TCERG1: variants seen among roughly 807,000 people sequenced by gnomAD.
TCERG1 encodes transcription elongation regulator 1.
TCERG1 carries 37 observed loss-of-function variants against 144.7 expected under a neutral mutation model. The ratio of observed to expected loss-of-function variants is 0.26; its 90% confidence interval spans 0.20 to 0.34. TCERG1 has a LOEUF of 0.34. Among genes scored for constraint, TCERG1 ranks in the 10% least tolerant of loss-of-function variants. The probability of loss-of-function intolerance (pLI) is 1.00; values close to 1 mark genes in which losing one functional copy is unlikely to be tolerated. For missense variants in TCERG1, 1,027 were observed against 1,380.7 expected, an observed-to-expected ratio of 0.74 and a Z score of 4.06; for synonymous variants, 492 against 458.2, an observed-to-expected ratio of 1.07 and a Z score of -0.94.
chr5:146,494,806 C>G (rs938297736), intron 16 of TCERG1, among the ~76,000 whole-genome samples: 1 of 151,962 alleles, frequency 6.6e-6, no homozygotes, highest in Non-Finnish European at 1.5e-5. Flanking sequence ...TCTTGTATGT[C>G]GTTTTTCTTT....
rs1768259065 is a variant in TCERG1 at position 146,509,244 on chromosome 5, A to G, written c.3145A>G (p.Arg1049Gly). The change falls in exon 22 of 23, where the codon AGA becomes GGA. Residue 1049 changes from arginine to glycine, a missense_variant and splice_region_variant. Coordinates refer to ENST00000679501, the MANE Select transcript of TCERG1 (RefSeq NM_001382548.1). ...LLKETKFITY[R>G]SKKLIQESDQ... ...GAAAGAGACCAAATTTATAACATAT[A>G]GGTGTGTGCAATGAAATGTTTCATA... The G allele has an allele frequency of 6.3e-7, 1 of 1,592,680 alleles. No homozygotes were observed. The highest frequency in any genetic ancestry group is 1.3e-5 in the African/African-American group (1 of 74,226).
intron 1 of TCERG1, among the ~76,000 whole-genome samples, chr5:146,453,440 T>A (rs1462332520): frequency 2.0e-5 from 3 of 152,384 alleles, no homozygotes; most frequent in Admixed American, 2.0e-4. Context: ...GGTATACCTA[T>A]GGCTTTTTAC....
intron 15 of TCERG1, 97 bp from the exon 16 acceptor site, chr5:146,492,823 C>T: frequency 1.2e-6 from 1 of 803,870 alleles, no homozygotes; most frequent in Admixed American, 2.7e-5. Context: ...ATATATTTTT[C>T]CTGGTATAGT....
Position 146,482,528 on chromosome 5 carries a change from A to T in TCERG1, c.1938-64A>T, listed in dbSNP as rs566699336. 5.4e-6 allele frequency: 8 copies of T among 1,472,200 alleles called. No individual in the cohort carries two copies. The African/African-American group carries it at 8.6e-5, about 16-fold the overall frequency. The allele number at this position is 1,472,200 out of a possible 1,614,324, so 91.2% of individuals were successfully genotyped here. ...TCTTGAAAATTCCTTTGATTTTAAG[A>T]TTTCTAATAAGATCTGAGAATTAAT... On this transcript the variant is annotated intron_variant, in intron 13 of 22. Coordinates refer to ENST00000679501, the MANE Select transcript of TCERG1 (RefSeq NM_001382548.1).
At chr5:146,493,710 T>C (rs908425076) in intron 16 of TCERG1, among the ~76,000 whole-genome samples, 43 of 152,084 alleles carry the variant, frequency 2.8e-4, no homozygotes, top group African/African-American at 9.7e-4. Context: ...CTGTTTTATA[T>C]GAGATAAGCA....
chr5:146,471,422 A>G, intron 8 of TCERG1, 66 bp from the exon 9 acceptor site: 1 of 1,443,142 alleles, frequency 6.9e-7, no homozygotes, highest in Non-Finnish European at 9.5e-7. Context: ...GTTTGCCTTC[A>G]TGTTTTTGTG....
chr5:146,479,447 G>T (rs929854353), intron 10 of TCERG1, among the ~76,000 whole-genome samples: 1 of 152,022 alleles, frequency 6.6e-6, no homozygotes, highest in African/African-American at 2.4e-5. Context: ...AGCAATACTT[G>T]TTTTATAGGT....
chr5:146,492,075 T>A (rs536527233), intron 15 of TCERG1, among the ~76,000 whole-genome samples: 2 of 152,224 alleles, frequency 1.3e-5, no homozygotes, highest in Non-Finnish European at 2.9e-5. Flanking sequence ...GAAGTGGCAG[T>A]GCCCAGAAAC....
intron 9 of TCERG1, among the ~76,000 whole-genome samples, chr5:146,474,980 A>G (rs1764698775): frequency 6.6e-6 from 1 of 151,996 alleles, no homozygotes; most frequent in African/African-American, 2.4e-5. Context: ...ACGCCTGTCT[A>G]CTTCTTTTTT....
intron 9 of TCERG1, among the ~76,000 whole-genome samples, chr5:146,473,778 G>C (rs920047894): frequency 6.6e-6 from 1 of 152,188 alleles, no homozygotes. Context: ...TAAGCCCACT[G>C]TTGAGACTTA....
chr5:146,471,697 C>G lies in TCERG1; in HGVS notation c.1601+121C>G, dbSNP rs1160364732. 3 of 652,626 alleles carry G rather than the reference C, an allele frequency of 4.6e-6. No homozygotes were observed. The African/African-American group carries it at 5.5e-5, about 12-fold the overall frequency. The allele number at this position is 652,626 out of a possible 1,614,324, so 40.4% of individuals were successfully genotyped here. On this transcript the variant is annotated intron_variant, in intron 9 of 22. Transcript: ENST00000679501. ...CACTGCAACCTCCACCTCCCTAGTT[C>G]AAGCGATTCTCCTGCCTCAGCTTCC...
chr5:146,468,230 T>TC, intron 5 of TCERG1, 111 bp from the exon 6 acceptor site: 1 of 884,324 alleles, frequency 1.1e-6, no homozygotes, highest in African/African-American at 1.8e-5. Flanking sequence ...TTGGTCTTTT[T>TC]CATTGGAAAT....
intron 10 of TCERG1, among the ~76,000 whole-genome samples, chr5:146,479,483 G>A (rs900587534): frequency 5.9e-5 from 9 of 152,156 alleles, no homozygotes; most frequent in Middle Eastern, 3.4e-3. Flanking sequence ...TATAACTATG[G>A]TATTGAATGA....
chr5:146,461,653 C>G (rs1341339905), intron 4 of TCERG1, among the ~76,000 whole-genome samples: 2 of 151,974 alleles, frequency 1.3e-5, no homozygotes, highest in African/African-American at 4.8e-5. Flanking sequence ...AAATTTGATG[C>G]CCTTATTTAT....
chr5:146,510,318 T>TAAAAAAAAAA, intron 22 of TCERG1, 123 bp from the exon 23 acceptor site: 2 of 550,768 alleles, frequency 3.6e-6, no homozygotes, highest in South Asian at 2.7e-5. Context: ...AAATTTTTCT[T>TAAAAAAAAAA]AAAAAAAAAA....
At position 146,483,282 on chromosome 5, in the gene TCERG1, A is replaced by G. The variant is rs374052740; in HGVS notation, c.2074-258A>G. ...TTTTTCTGATGTACTGATTTTTAAAATGTCACACAGTAGTAGTTATTTTAA... is the reference window on the plus strand; with the variant it reads ...TTTTTCTGATGTACTGATTTTTAAAGTGTCACACAGTAGTAGTTATTTTAA... On this transcript the variant is annotated intron_variant, in intron 14 of 22. Transcript: ENST00000679501. 7.2e-5 allele frequency among the ~76,000 whole-genome samples: 11 copies of G among 152,290 alleles called. No individual in the cohort carries two copies. The East Asian group carries it at 1.7e-3, about 24-fold the overall frequency.
In TCERG1 at chr5:146,455,164, G is replaced by A; in HGVS notation, c.168G>A (p.Met56Ile). The A allele has an allele frequency of 6.2e-7, 1 of 1,614,174 alleles. No homozygotes were observed. Among genetic ancestry groups the A allele is most frequent in the Non-Finnish European group, 8.5e-7 (1 of 1,180,022 alleles). ...LMRPPPPFGM[M>I]RGPPPPPRPP... ...GACCTCCTCCACCTTTTGGTATGAT[G>A]CGAGGCCCTCCTCCACCACCACGGC... Residue 56 changes from methionine to isoleucine, a missense_variant, in exon 2 of 23, where the codon ATG (methionine) becomes ATA (isoleucine). Physicochemically the swap from Met to Ile is conservative, Grantham distance 10. This residue lies in a region of TCERG1 where 175 missense variants were observed against 197.0 expected (regional missense o/e 0.89). Transcript: ENST00000679501.
At chr5:146,471,673 A>G in intron 9 of TCERG1, 97 bp downstream of exon 9, 3 of 934,370 alleles carry the variant, frequency 3.2e-6, no homozygotes, top group Non-Finnish European at 4.9e-6. Context: ...ATCTGGGCTC[A>G]CTGCAACCTC....
In TCERG1 at chr5:146,457,351, T is replaced by A. The variant is rs550213676; in HGVS notation, c.438+16T>A. The A allele has an allele frequency of 7.3e-5, 116 of 1,593,400 alleles. No individual in the cohort carries two copies. In the African/African-American group the frequency reaches 1.2e-3, roughly 17 times the overall value. On this transcript the variant is annotated intron_variant, in intron 3 of 22. Coordinates refer to ENST00000679501, the MANE Select transcript of TCERG1 (RefSeq NM_001382548.1). ...AGATGGGAAGGTAAATAATAAAATATATTTAAGTTGTCATTTGTTGACAGA... is the reference window on the plus strand; with the variant it reads ...AGATGGGAAGGTAAATAATAAAATAAATTTAAGTTGTCATTTGTTGACAGA...
Sources: allele counts gnomAD v4.1 joint callset (sites outside exome capture counted in the v4.1 genomes callset), GRCh38; gene constraint gnomAD v4.1.1; regional missense constraint gnomAD v4.1.1; transcripts MANE v1.5; gene names NCBI Gene and HGNC (gene_info 2026-07-23, HGNC 2026-07-21).